GPM6A: variants seen among roughly 807,000 people sequenced by gnomAD.
GPM6A encodes neuronal membrane glycoprotein M6-a.
A neutral mutation model predicts 32.1 loss-of-function variants in GPM6A; 7 were observed. That is an observed-to-expected ratio of 0.22 (90% CI 0.12 to 0.41). GPM6A has a LOEUF of 0.41. Among genes scored for constraint, GPM6A ranks in the 10% least tolerant of loss-of-function variants. GPM6A has a pLI of 1.00. For missense variants in GPM6A, 235 were observed against 347.2 expected, an observed-to-expected ratio of 0.68 and a Z score of 2.57; for synonymous variants, 130 against 123.4, an observed-to-expected ratio of 1.05 and a Z score of -0.35.
chr4:175,640,876 G>A (rs371574057), intron 4 of GPM6A, 47 bp from the exon 5 acceptor site: 135 of 1,189,628 alleles, frequency 1.1e-4, no homozygotes, highest in Non-Finnish European at 1.5e-4. Context: ...ATGTTTTGAA[G>A]AGCCAAGAGA....
At chr4:175,740,248 T>A (rs1731837391) in intron 1 of GPM6A, among the ~76,000 whole-genome samples, 1 of 152,074 alleles carries the variant, frequency 6.6e-6, no homozygotes, top group Non-Finnish European at 1.5e-5. Flanking sequence ...ACTAGCTATA[T>A]GATAAAAATG....
intron 1 of GPM6A, among the ~76,000 whole-genome samples, chr4:175,777,132 G>T (rs900425577): frequency 6.6e-6 from 1 of 152,148 alleles, no homozygotes; most frequent in Non-Finnish European, 1.5e-5. Context: ...AGATAGTGAG[G>T]TATACTGTTG....
At chr4:175,852,491 A>G (rs1459012289) in intron 1 of GPM6A, among the ~76,000 whole-genome samples, 1 of 152,274 alleles carries the variant, frequency 6.6e-6, no homozygotes, top group East Asian at 1.9e-4. Context: ...ATACATTTCC[A>G]CTTTATTGGA....
rs1745923274 is a variant in GPM6A, at chr4:175,717,934, C to T, written c.38-16167G>A. Among the ~76,000 whole-genome samples, 3 of 152,230 alleles carry T rather than the reference C, an allele frequency of 2.0e-5. No individual in the cohort carries two copies. The South Asian group carries it at 6.2e-4, about 32-fold the overall frequency. Reference sequence around the variant, plus strand: ...AGTGAAGCAACATGGCATATGAAGTCACTTTTTAACTTTAAACAGTATATA... The same window carrying T: ...AGTGAAGCAACATGGCATATGAAGTTACTTTTTAACTTTAAACAGTATATA... On this transcript the variant is annotated intron_variant, in intron 1 of 6. Transcript: ENST00000393658.
chr4:175,674,633 C>T (rs7683163), intron 2 of GPM6A, among the ~76,000 whole-genome samples: 2,244 of 152,232 alleles, frequency 0.015, 50 homozygotes, highest in African/African-American at 0.05. Context: ...TAAAATGATA[C>T]AAATTCCATA....
intron 1 of GPM6A, among the ~76,000 whole-genome samples, chr4:175,972,161 A>G (rs1740523600): frequency 1.3e-5 from 2 of 152,178 alleles, no homozygotes; most frequent in Non-Finnish European, 1.5e-5. Context: ...GTGTAGCTCT[A>G]AAATTTATTT....
chr4:175,953,753 G>T (rs1170897281), intron 1 of GPM6A, among the ~76,000 whole-genome samples: 3 of 152,050 alleles, frequency 2.0e-5, no homozygotes, highest in Non-Finnish European at 4.4e-5. Flanking sequence ...TACAAAATTA[G>T]TCAGGCATGG....
intron 1 of GPM6A, among the ~76,000 whole-genome samples, chr4:175,738,961 A>G (rs1475404371): frequency 6.6e-6 from 1 of 152,180 alleles, no homozygotes; most frequent in Non-Finnish European, 1.5e-5. Flanking sequence ...TTTGAAGGCT[A>G]GTAGTCTTTG....
chr4:175,984,651 C>T (rs1740920334), intron 1 of GPM6A, among the ~76,000 whole-genome samples: 1 of 151,864 alleles, frequency 6.6e-6, no homozygotes, highest in African/African-American at 2.4e-5. Flanking sequence ...TACTACTTTT[C>T]CTCTATATTT....
intron 1 of GPM6A, among the ~76,000 whole-genome samples, chr4:175,990,138 T>C (rs1561025208): frequency 1.3e-5 from 2 of 152,244 alleles, no homozygotes; most frequent in African/African-American, 4.8e-5. Context: ...CCTTCCTCTC[T>C]TCAGAATACC....
intron 1 of GPM6A, among the ~76,000 whole-genome samples, chr4:175,876,094 G>C (rs1287857579): frequency 6.6e-6 from 1 of 152,170 alleles, no homozygotes; most frequent in Non-Finnish European, 1.5e-5. Context: ...GAGAACGTTA[G>C]ACAAAATTTT....
At chr4:175,800,559 T>G (rs1405111232) in intron 1 of GPM6A, among the ~76,000 whole-genome samples, 3 of 152,188 alleles carry the variant, frequency 2.0e-5, no homozygotes, top group South Asian at 4.1e-4. Context: ...GCTAAAATTA[T>G]ATACCTACAT....
intron 1 of GPM6A, among the ~76,000 whole-genome samples, chr4:175,846,304 G>A (rs1317132611): frequency 2.0e-5 from 3 of 151,990 alleles, no homozygotes; most frequent in Non-Finnish European, 4.4e-5. Context: ...TTTTGTACAC[G>A]TTTTTGCTGT....
chr4:175,812,259 G>A lies in GPM6A; in HGVS notation c.-32C>T. The A allele has an allele frequency of 7.3e-7, 1 of 1,369,780 alleles. No individual in the cohort carries two copies. The highest frequency in any genetic ancestry group is 9.6e-7 in the Non-Finnish European group (1 of 1,045,664). 84.9% of individuals were successfully genotyped at this position (1,369,780 alleles called of 1,614,324 possible). The stretch of plus-strand genomic sequence containing the variant: ...CTTTCTTCAGTAGAATCTGGTACAC[G>A]GAATTAATCAAAAGCTCAATTAGAT... On this transcript the variant is annotated 5_prime_UTR_variant, in exon 1 of 7. Transcript: ENST00000393658.
At chr4:175,985,472 A>G (rs554732656) in intron 1 of GPM6A, among the ~76,000 whole-genome samples, 36 of 152,298 alleles carry the variant, frequency 2.4e-4, no homozygotes, top group Non-Finnish European at 4.7e-4. Context: ...TTCTTGTAGA[A>G]TGTCTTTATT....
At chr4:175,954,274 AAC>A (rs1241040447) in intron 1 of GPM6A, among the ~76,000 whole-genome samples, 1 of 152,204 alleles carries the variant, frequency 6.6e-6, no homozygotes, top group Non-Finnish European at 1.5e-5. Context: ...GGTATTGTAC[AAC>A]AGAGATCTAG....
At chr4:175,767,569 C>G (rs1733022468) in intron 1 of GPM6A, among the ~76,000 whole-genome samples, 1 of 152,184 alleles carries the variant, frequency 6.6e-6, no homozygotes, top group African/African-American at 2.4e-5. Context: ...AGTTTTTTCA[C>G]ATTTCACTTT....
At chr4:175,848,185 T>G (rs1350551888) in intron 1 of GPM6A, among the ~76,000 whole-genome samples, 2 of 152,162 alleles carry the variant, frequency 1.3e-5, no homozygotes, top group Admixed American at 1.3e-4. Flanking sequence ...ATTCTAGCGC[T>G]CAAGCTTTTT....
rs150367246 is a variant in GPM6A, at chr4:175,766,878, C to T, written c.37+45313G>A. ...CCATGTTGGCCAGGCTGGTCTTGAACTCCTGACCTCAGATGATCTGCCTGC... is the reference window on the plus strand; with the variant it reads ...CCATGTTGGCCAGGCTGGTCTTGAATTCCTGACCTCAGATGATCTGCCTGC... On this transcript the variant is annotated intron_variant, in intron 1 of 6. Coordinates refer to ENST00000393658, the MANE Select transcript of GPM6A (RefSeq NM_201591.3). 3.2e-3 allele frequency among the ~76,000 whole-genome samples: 486 copies of T among 152,140 alleles called. 4 individuals are homozygous for T. The highest frequency in any genetic ancestry group is 0.011 in the African/African-American group (476 of 41,488).
Sources: gnomAD v4.1 joint callset for allele counts (sites outside exome capture counted in the v4.1 genomes callset) on GRCh38, gnomAD v4.1.1 for gene constraint, MANE v1.5 for transcripts, NCBI Gene and HGNC (gene_info 2026-07-23, HGNC 2026-07-21) for gene names.